Variants in SYT1 observed in about 807,000 individuals in gnomAD.
SYT1 encodes the protein synaptotagmin 1.
Under a neutral mutation model 44.8 loss-of-function variants are expected in SYT1, and 8 were observed. That is an observed-to-expected ratio of 0.18 (90% CI 0.10 to 0.32). The LOEUF (loss-of-function observed/expected upper bound fraction) is 0.32. Ranked by LOEUF, SYT1 falls within the 10% of genes least tolerant of loss-of-function variation. The pLI is 1.00. For synonymous variants in SYT1, 154 were observed against 188.8 expected (o/e 0.82, Z 1.51); for missense variants, 286 against 509.3 (o/e 0.56, Z 4.22).
chr12:79,027,549 TA>T, intron 2 of SYT1, among the ~76,000 whole-genome samples: 1 of 151,542 alleles, frequency 6.6e-6, no homozygotes, highest in African/African-American at 2.4e-5. Flanking sequence ...TAGATATATA[TA>T]AACTTGTCAA....
intron 8 of SYT1, among the ~76,000 whole-genome samples, chr12:79,314,126 G>A (rs1409052680): frequency 5.4e-5 from 7 of 130,732 alleles, no homozygotes; most frequent in Admixed American, 8.8e-5. Flanking sequence ...CCGAGATCGC[G>A]CCACTGCACT....
At chr12:78,876,036 C>T (rs1433794846) in intron 1 of SYT1, among the ~76,000 whole-genome samples, 3 of 151,616 alleles carry the variant, frequency 2.0e-5, no homozygotes, top group African/African-American at 7.3e-5. Flanking sequence ...TTATCACATT[C>T]ATGACACTTG....
At chr12:78,914,185 A>G (rs531876033) in intron 1 of SYT1, among the ~76,000 whole-genome samples, 2 of 151,942 alleles carry the variant, frequency 1.3e-5, no homozygotes, top group East Asian at 3.9e-4. Context: ...TATAAAAGTA[A>G]ATTTTCAAAG....
At chr12:79,448,478 A>C (rs903805270) in intron 10 of SYT1, among the ~76,000 whole-genome samples, 1 of 152,196 alleles carries the variant, frequency 6.6e-6, no homozygotes, top group Non-Finnish European at 1.5e-5. Flanking sequence ...AATCAAATAG[A>C]GTGGGCTGAA....
chr12:78,977,729 CTA>C (rs1868951395), intron 1 of SYT1, 68 bp from the exon 2 acceptor site: 1 of 152,198 alleles, frequency 6.6e-6, no homozygotes, highest in South Asian at 2.1e-4. Flanking sequence ...AAGCAGAAGT[CTA>C]TACCCAGTCA....
At chr12:79,343,743 ATG>A (rs753986958) in intron 8 of SYT1, among the ~76,000 whole-genome samples, 2 of 152,218 alleles carry the variant, frequency 1.3e-5, no homozygotes, top group Non-Finnish European at 2.9e-5. Flanking sequence ...CCAATATATG[ATG>A]TGTTTTATAA....
intron 3 of SYT1, among the ~76,000 whole-genome samples, chr12:79,193,530 T>C (rs1873255401): frequency 6.6e-6 from 1 of 152,184 alleles, no homozygotes; most frequent in Non-Finnish European, 1.5e-5. Flanking sequence ...TCCTGGCTTA[T>C]CATTACTTAT....
intron 8 of SYT1, among the ~76,000 whole-genome samples, chr12:79,308,925 A>G (rs1448492718): frequency 6.6e-6 from 1 of 152,268 alleles, no homozygotes; most frequent in African/African-American, 2.4e-5. Flanking sequence ...TTTATAGAAT[A>G]TCACTTGGGA....
chr12:79,237,024 G>A (rs1876229916), intron 4 of SYT1, among the ~76,000 whole-genome samples: 1 of 152,166 alleles, frequency 6.6e-6, no homozygotes, highest in Non-Finnish European at 1.5e-5. Context: ...GCAGTGTGTG[G>A]GTAGAATGGA....
intron 4 of SYT1, among the ~76,000 whole-genome samples, chr12:79,234,803 T>C (rs185304255): frequency 0.013 from 1,909 of 151,600 alleles, 42 homozygotes; most frequent in African/African-American, 0.042. Context: ...CTCCGCCTTC[T>C]GGGTTCAAGC....
At chr12:79,207,558 C>T (rs143599715) in intron 3 of SYT1, among the ~76,000 whole-genome samples, 2 of 152,094 alleles carry the variant, frequency 1.3e-5, no homozygotes, top group Admixed American at 6.6e-5. Context: ...TTGTTCCCCT[C>T]CCTGTGTCCA....
intron 8 of SYT1, among the ~76,000 whole-genome samples, chr12:79,335,532 C>T (rs965840760): frequency 6.6e-6 from 1 of 152,060 alleles, no homozygotes; most frequent in African/African-American, 2.4e-5. Context: ...TCTTGCTCTT[C>T]CGACTAGCTT....
intron 3 of SYT1, among the ~76,000 whole-genome samples, chr12:79,077,646 A>G (rs1876746446): frequency 6.6e-6 from 1 of 152,226 alleles, no homozygotes; most frequent in Non-Finnish European, 1.5e-5. Context: ...CAGTATTTGC[A>G]AGAAATAAAT....
intron 3 of SYT1, among the ~76,000 whole-genome samples, chr12:79,165,598 A>G (rs1471659386): frequency 6.6e-6 from 1 of 152,040 alleles, no homozygotes; most frequent in Non-Finnish European, 1.5e-5. Context: ...GGCAATTTAG[A>G]ACAATTATTT....
At chr12:78,975,038 A>G (rs1868717397) in intron 1 of SYT1, among the ~76,000 whole-genome samples, 1 of 151,916 alleles carries the variant, frequency 6.6e-6, no homozygotes, top group Admixed American at 6.6e-5. Flanking sequence ...CAAACGTTTA[A>G]TGCTCCTTCC....
chr12:79,130,425 A>G (rs1868735938), intron 3 of SYT1, among the ~76,000 whole-genome samples: 1 of 152,174 alleles, frequency 6.6e-6, no homozygotes, highest in African/African-American at 2.4e-5. Flanking sequence ...TCACCATCGT[A>G]TTGTTCATAA....
intron 1 of SYT1, among the ~76,000 whole-genome samples, chr12:78,908,475 C>G (rs1045886146): frequency 2.0e-5 from 3 of 151,796 alleles, no homozygotes; most frequent in Non-Finnish European, 4.4e-5. Flanking sequence ...AGGCTACAGT[C>G]TCTGTCAGTT....
At chr12:78,999,170 G>A (rs768379028) in intron 2 of SYT1, among the ~76,000 whole-genome samples, 2 of 152,060 alleles carry the variant, frequency 1.3e-5, no homozygotes, top group Admixed American at 6.6e-5. Context: ...TTCATATCTC[G>A]TGTTTTTCAT....
At chr12:79,190,097 C>G (rs1592837818) in intron 3 of SYT1, among the ~76,000 whole-genome samples, 1 of 152,138 alleles carries the variant, frequency 6.6e-6, no homozygotes, top group Non-Finnish European at 1.5e-5. Context: ...AACTGCAGCA[C>G]TACATCCTGA....
Sources: allele counts gnomAD v4.1 joint callset (sites outside exome capture counted in the v4.1 genomes callset), GRCh38; gene constraint gnomAD v4.1.1; transcripts MANE v1.5; gene names NCBI Gene and HGNC (gene_info 2026-07-23, HGNC 2026-07-21).